KIF16B: variants seen among roughly 807,000 people sequenced by gnomAD.
KIF16B encodes kinesin family member 16B.
Under a neutral mutation model 156.3 loss-of-function variants are expected in KIF16B, and 98 were observed. That is an observed-to-expected ratio of 0.63 (90% confidence interval 0.53 to 0.74). The LOEUF (loss-of-function observed/expected upper bound fraction) is 0.74. KIF16B is among the 30% of genes least tolerant of loss of function. The pLI is 0.00. For missense variants in KIF16B, 1,421 were observed against 1,606.5 expected (o/e 0.88, Z 1.97); for synonymous variants, 564 against 583.7 (o/e 0.97, Z 0.49).
intron 1 of KIF16B, among the ~76,000 whole-genome samples, chr20:16,543,729 G>A (rs17675229): frequency 0.023 from 3,533 of 152,224 alleles, 50 homozygotes; most frequent in Middle Eastern, 0.078. Context: ...GATGGTAAGC[G>A]GCCTGAGAGT....
intron 3 of KIF16B, among the ~76,000 whole-genome samples, chr20:16,522,920 C>T (rs542030512): frequency 2.6e-5 from 4 of 152,144 alleles, no homozygotes; most frequent in Non-Finnish European, 4.4e-5. Context: ...ATAAACAGAA[C>T]GAATGACAAA....
rs565966744 is a variant in KIF16B, at chr20:16,297,558, T to A, written c.3795+14777A>T. ...AAAAATGCAAAAAATTAGCTGGGCG[T>A]GGTGGCGGGCACCTGTAGTCCCAGC... On this transcript the variant is annotated intron_variant, in intron 25 of 25. Transcript: ENST00000354981. Among the ~76,000 whole-genome samples, 3 of 152,058 alleles carry A rather than the reference T, an allele frequency of 2.0e-5. No individual in the cohort carries two copies. The South Asian group carries it at 6.2e-4, about 32-fold the overall frequency.
At chr20:16,416,242 T>C (rs1225846672) in intron 15 of KIF16B, among the ~76,000 whole-genome samples, 1 of 152,208 alleles carries the variant, frequency 6.6e-6, no homozygotes, top group Non-Finnish European at 1.5e-5. Flanking sequence ...TTTTTGCTTT[T>C]GTTGCAACTG....
In KIF16B at chr20:16,428,970, G is replaced by C; in HGVS notation, c.1457C>G (p.Ser486Cys). The C allele has an allele frequency of 6.2e-7, 1 of 1,613,376 alleles. No homozygotes were observed. The highest frequency in any genetic ancestry group is 1.1e-5 in the South Asian group (1 of 91,036). Reference protein sequence around the residue: ...GQTYVGRDDASTEQDIVLHGL... With the variant: ...GQTYVGRDDACTEQDIVLHGL... ...ATGCTCACCAATATCTTGCTCCGTGGAAGCATCGTCTCTACCAACGTATGT... is the reference window on the plus strand; with the variant it reads ...ATGCTCACCAATATCTTGCTCCGTGCAAGCATCGTCTCTACCAACGTATGT... Residue 486 changes from serine to cysteine, a missense_variant, in exon 14 of 26, where the codon TCC becomes TGC. Physicochemically the swap from Ser to Cys is moderately radical, Grantham distance 112. Transcript: ENST00000354981.
intron 20 of KIF16B, among the ~76,000 whole-genome samples, chr20:16,373,208 T>C (rs554704516): frequency 7.2e-5 from 11 of 152,306 alleles, no homozygotes; most frequent in South Asian, 6.2e-4. Flanking sequence ...GTTTCAATAT[T>C]GAAAACAAAA....
chr20:16,346,270 C>T (rs1366181663), intron 23 of KIF16B, among the ~76,000 whole-genome samples: 2 of 152,188 alleles, frequency 1.3e-5, no homozygotes, highest in South Asian at 2.1e-4. Flanking sequence ...TGCCAGTCCT[C>T]GATCTGCCCG....
At chr20:16,323,963 C>G (rs2063806897) in intron 24 of KIF16B, among the ~76,000 whole-genome samples, 1 of 151,820 alleles carries the variant, frequency 6.6e-6, no homozygotes, top group Admixed American at 6.6e-5. Context: ...TTCCCCAAAG[C>G]CCGGTGTCAG....
chr20:16,347,935 G>C (rs989739430), intron 23 of KIF16B, among the ~76,000 whole-genome samples: 1 of 152,168 alleles, frequency 6.6e-6, no homozygotes, highest in Non-Finnish European at 1.5e-5. Context: ...AGACTGGAAT[G>C]GCTCTTATTT....
intron 15 of KIF16B, among the ~76,000 whole-genome samples, chr20:16,419,959 T>C (rs1374650923): frequency 1.3e-5 from 2 of 152,150 alleles, no homozygotes; most frequent in African/African-American, 2.4e-5. Context: ...ATTTTCTTCT[T>C]GGTAAAATTC....
chr20:16,440,532 C>T (rs894877755), intron 12 of KIF16B, among the ~76,000 whole-genome samples: 36 of 73,814 alleles, frequency 4.9e-4, no homozygotes, highest in African/African-American at 9.2e-4. Flanking sequence ...CACAAGCGCG[C>T]GCACACACAC....
chr20:16,553,692 C>T (rs1330672723), intron 1 of KIF16B, among the ~76,000 whole-genome samples: 1 of 152,224 alleles, frequency 6.6e-6, no homozygotes, highest in Non-Finnish European at 1.5e-5. Flanking sequence ...TTTGTCTATT[C>T]ATTATTTAGT....
intron 22 of KIF16B, 142 bp from the exon 23 acceptor site, chr20:16,356,594 A>C: frequency 1.1e-6 from 1 of 898,238 alleles, no homozygotes; most frequent in Non-Finnish European, 1.7e-6. Flanking sequence ...TAGAAAAATG[A>C]TGGTTTCCTT....
chr20:16,549,010 G>C (rs1312276726), intron 1 of KIF16B, among the ~76,000 whole-genome samples: 1 of 99,272 alleles, frequency 1.0e-5, no homozygotes, highest in Non-Finnish European at 2.2e-5. Context: ...ACTCATTTTC[G>C]GTTTTTTTTT....
chr20:16,400,275 T>C (rs1184941635), intron 17 of KIF16B, among the ~76,000 whole-genome samples: 1 of 152,032 alleles, frequency 6.6e-6, no homozygotes, highest in Non-Finnish European at 1.5e-5. Context: ...CTTGAGAAAA[T>C]AGAAGAAGAA....
At chr20:16,479,967 G>A (rs2098582056) in intron 12 of KIF16B, among the ~76,000 whole-genome samples, 1 of 152,186 alleles carries the variant, frequency 6.6e-6, no homozygotes, top group Non-Finnish European at 1.5e-5. Context: ...TCAGACCTCA[G>A]GCTAGACGTC....
At chr20:16,529,105 G>A (rs1033493442) in intron 1 of KIF16B, among the ~76,000 whole-genome samples, 26 of 152,148 alleles carry the variant, frequency 1.7e-4, no homozygotes, top group African/African-American at 6.3e-4. Context: ...AAAAGATGGA[G>A]AAAATCTATG....
intron 15 of KIF16B, among the ~76,000 whole-genome samples, chr20:16,411,929 C>CGTGTGTGTGTGTGTGT (rs36019156): frequency 9.7e-5 from 13 of 134,038 alleles, no homozygotes; most frequent in African/African-American, 3.2e-4. Context: ...GAATGTTCAA[C>CGTGTGTGTGTGTGTGT]GTGTGTGTGT....
chr20:16,286,576 A>G (rs530762059), intron 25 of KIF16B, among the ~76,000 whole-genome samples: 6 of 152,216 alleles, frequency 3.9e-5, no homozygotes, highest in Admixed American at 3.9e-4. Context: ...TTTCTCCTAT[A>G]CTTATTCATC....
At chr20:16,402,574 G>T (rs555754160) in intron 17 of KIF16B, among the ~76,000 whole-genome samples, 3 of 152,344 alleles carry the variant, frequency 2.0e-5, no homozygotes, top group African/African-American at 7.2e-5. Context: ...GAGTTTGTCT[G>T]TACTATGCCC....
Sources: allele counts gnomAD v4.1 joint callset (sites outside exome capture counted in the v4.1 genomes callset), GRCh38; gene constraint gnomAD v4.1.1; transcripts MANE v1.5; gene names NCBI Gene and HGNC (gene_info 2026-07-23, HGNC 2026-07-21).